The following DNHD1 variants were observed in gnomAD, a reference collection of about 807,000 sequenced individuals.
DNHD1 encodes the protein dynein heavy chain domain-containing protein 1.
A neutral mutation model predicts 458.1 loss-of-function variants in DNHD1; 383 were observed. The ratio of observed to expected loss-of-function variants is 0.84; its 90% CI spans 0.77 to 0.91. The LOEUF (loss-of-function observed/expected upper bound fraction) is 0.91. Ranked by LOEUF, DNHD1 falls within the 40% of genes least tolerant of loss-of-function variation. The pLI is 0.00. For synonymous variants in DNHD1, 2,203 were observed against 2,376.9 expected, an observed-to-expected ratio of 0.93 and a Z score of 2.13; for missense variants, 5,336 against 5,866.1, an observed-to-expected ratio of 0.91 and a Z score of 2.95.
intron 14 of DNHD1, among the ~76,000 whole-genome samples, chr11:6,535,540 A>T (rs975975177): frequency 2.0e-5 from 3 of 152,272 alleles, no homozygotes; most frequent in Non-Finnish European, 4.4e-5. Flanking sequence ...AGTGTTTAAA[A>T]AAGTGATGGG....
rs113282463 is a variant in DNHD1, at chr11:6,557,020, C to T, written c.7725C>T (p.Cys2575=). ...CAGTAGAGGCCTGGGAGGCTGTGTGCAATTGCTTCATGCCTTCACCCCTCC... is the reference window on the plus strand; with the variant it reads ...CAGTAGAGGCCTGGGAGGCTGTGTGTAATTGCTTCATGCCTTCACCCCTCC... ...RASVEAWEAV[C]NCFMPSPLHP... is the part of the protein sequence containing the mutation. Residue 2575 remains cysteine (C), a synonymous_variant, in exon 25 of 43, where the codon TGC becomes TGT. Transcript: ENST00000254579. The T allele has an allele frequency of 5.8e-6, 9 of 1,551,612 alleles. No homozygotes were observed. Among genetic ancestry groups the T allele is most frequent in the African/African-American group, 4.1e-5 (3 of 73,116 alleles).
At chr11:6,511,232 A>G in intron 6 of DNHD1, 41 bp from the exon 7 acceptor site, 1 of 1,604,626 alleles carries the variant, frequency 6.2e-7, no homozygotes, top group Non-Finnish European at 8.5e-7. Flanking sequence ...CCAAGGAAGG[A>G]TTGGGATGCC....
intron 10 of DNHD1, 144 bp downstream of exon 10, chr11:6,520,433 C>T: frequency 6.7e-7 from 1 of 1,496,528 alleles, no homozygotes. Flanking sequence ...CTGGGTACTG[C>T]ACATATGTGT....
intron 3 of DNHD1, among the ~76,000 whole-genome samples, chr11:6,501,765 C>T (rs1021268997): frequency 6.6e-6 from 1 of 152,092 alleles, no homozygotes; most frequent in Non-Finnish European, 1.5e-5. Flanking sequence ...CGTAGAGGAG[C>T]AAATGTCCTT....
In DNHD1 at chr11:6,571,613, T is replaced by C; in HGVS notation, c.13912-23T>C. 2 of 1,531,232 alleles carry C rather than the reference T, an allele frequency of 1.3e-6. No homozygotes were observed. The highest frequency in any genetic ancestry group is 1.8e-6 in the Non-Finnish European group (2 of 1,135,382). The allele number at this position is 1,531,232 out of a possible 1,614,324, so 94.9% of individuals were successfully genotyped here. A position where few individuals can be genotyped will look rare whatever the true frequency, so the allele number is the denominator to read the frequency against. ...CACCTCCCAGCTTCCTAGCCTTGCCTGACCAGCTTCTGACGCCCCCAGGTG... is the reference window on the plus strand; with the variant it reads ...CACCTCCCAGCTTCCTAGCCTTGCCCGACCAGCTTCTGACGCCCCCAGGTG... On this transcript the variant is annotated intron_variant, in intron 42 of 42. Transcript: ENST00000254579. The surrounding 1 kb of genome is among the most constrained non-coding windows in gnomAD (Gnocchi z 5.0).
intron 12 of DNHD1, among the ~76,000 whole-genome samples, chr11:6,531,823 C>T (rs137968148): frequency 2.0e-4 from 30 of 152,192 alleles, no homozygotes; most frequent in Non-Finnish European, 3.2e-4. Flanking sequence ...AATAGAGGAT[C>T]GGTCAGTTTA....
rs915045854 is a variant in DNHD1 at position 6,557,280 on chromosome 11, C to T, written c.7985C>T (p.Pro2662Leu). Residue 2662 changes from proline (P) to leucine (L), a missense_variant, in exon 25 of 43, where the codon CCC becomes CTC. Physicochemically the swap from Pro to Leu is moderately conservative, Grantham distance 98. Transcript: ENST00000254579. ...ACCTTTTGCGACCGGCTGGACAGCC[C>T]CAGGGAACGCTCCTACTGTGCCAAG... The part of the protein sequence containing the change: ...QRTFCDRLDS[P>L]RERSYCAKLL... 5 of 1,551,420 alleles carry T rather than the reference C, an allele frequency of 3.2e-6. No homozygotes were observed. In the African/African-American group the frequency reaches 6.8e-5, roughly 21 times the overall value.
intron 24 of DNHD1, among the ~76,000 whole-genome samples, chr11:6,552,519 C>T (rs371548113): frequency 1.3e-5 from 2 of 151,838 alleles, no homozygotes; most frequent in African/African-American, 4.8e-5. Context: ...AGCAAAACTT[C>T]GTCCCAAAAA....
intron 10 of DNHD1, among the ~76,000 whole-genome samples, chr11:6,527,763 T>TG (rs1234218256): frequency 5.3e-5 from 8 of 152,180 alleles, no homozygotes; most frequent in African/African-American, 1.9e-4. Context: ...AGGGTTTGGG[T>TG]GTGGATAGTA....
chr11:6,521,288 TAAATC>T (rs1406933007), intron 10 of DNHD1, among the ~76,000 whole-genome samples: 1 of 152,250 alleles, frequency 6.6e-6, no homozygotes, highest in Non-Finnish European at 1.5e-5. Context: ...AATATGTAGA[TAAATC>T]AGACATTTCA....
At chr11:6,522,455 G>C (rs2134398707) in intron 10 of DNHD1, among the ~76,000 whole-genome samples, 1 of 152,244 alleles carries the variant, frequency 6.6e-6, no homozygotes, top group East Asian at 1.9e-4. Context: ...ACAGACACTG[G>C]AGCCTACTTA....
rs1852065430 is a variant in DNHD1 at position 6,498,155 on chromosome 11, G to A, written c.-61G>A. On this transcript the variant is annotated 5_prime_UTR_variant, in exon 3 of 43. Transcript: ENST00000254579. ...CCCCGCATCTGGCATCCTGGAACTG[G>A]CAGTTGGAGCCTGAGCTATGGGCAA... 1 of 1,561,866 alleles carries A rather than the reference G, an allele frequency of 6.4e-7. No homozygotes were observed. Among genetic ancestry groups the A allele is most frequent in the Non-Finnish European group, 8.7e-7 (1 of 1,152,050 alleles).
At chr11:6,502,625 A>C in intron 3 of DNHD1, 128 bp from the exon 4 acceptor site, 1 of 743,702 alleles carries the variant, frequency 1.3e-6, no homozygotes, top group South Asian at 2.5e-5. Flanking sequence ...AGGCTCGACA[A>C]TGCCACGTCA....
Position 6,571,938 on chromosome 11 carries a change from C to A in DNHD1, c.14214C>A (p.Asn4738Lys). The A allele has an allele frequency of 6.2e-7, 1 of 1,613,882 alleles. No homozygotes were observed. Among genetic ancestry groups the A allele is most frequent in the Non-Finnish European group, 8.5e-7 (1 of 1,179,802 alleles). Residue 4738 changes from asparagine (N) to lysine (K), a missense_variant, in exon 43 of 43, where the codon AAC (asparagine) becomes AAA (lysine). Physicochemically the swap from Asn to Lys is moderately conservative, Grantham distance 94. Transcript: ENST00000254579. This position sits in a 1 kb window ranked among gnomAD's most constrained non-coding sequence, Gnocchi z 5.0. ...HLPLPTKLTP[N>K]TCVQRRVHVC... is the part of the protein sequence containing the mutation. ...CTTTACCCACCAAGCTCACCCCCAA[C>A]ACCTGTGTCCAAAGGAGGGTCCATG...
chr11:6,544,040 A>G (rs1436066145), intron 18 of DNHD1, 81 bp from the exon 19 acceptor site: 2 of 1,401,220 alleles, frequency 1.4e-6, no homozygotes, highest in African/African-American at 1.4e-5. Flanking sequence ...CTCTCCTGGA[A>G]GGTTCCCCTG....
intron 24 of DNHD1, chr11:6,549,149 T>A (rs1438121500): frequency 1.7e-6 from 1 of 597,560 alleles, no homozygotes; most frequent in East Asian, 2.9e-5. Context: ...CCAATCTCAC[T>A]TCTTTTCTAA....
rs369925813 is a variant in DNHD1, at chr11:6,498,642, A to G, written c.427A>G (p.Ser143Gly). 8 of 1,614,100 alleles carry G rather than the reference A, an allele frequency of 5.0e-6. No individual in the cohort carries two copies. The highest frequency in any genetic ancestry group is 1.7e-5 in the Admixed American group (1 of 60,004). The change falls in exon 3 of 43, where the codon AGT becomes GGT. Residue 143 changes from serine to glycine, a missense_variant. Physicochemically the swap from Ser to Gly is moderately conservative, Grantham distance 56. Coordinates refer to ENST00000254579, the MANE Select transcript of DNHD1 (RefSeq NM_144666.3). ...AFPPDSSLLD[S>G]ASHADCCPQK... ...TCCTCCAGACAGCTCTTTGTTAGAC[A>G]GTGCTTCCCATGCTGACTGCTGTCC...
intron 18 of DNHD1, among the ~76,000 whole-genome samples, chr11:6,540,331 C>T (rs1853072375): frequency 6.6e-6 from 1 of 152,242 alleles, no homozygotes; most frequent in Non-Finnish European, 1.5e-5. Context: ...AAGGTCCTCC[C>T]CTTTCTGGGT....
chr11:6,531,419 C>G (rs1400581974), intron 12 of DNHD1, among the ~76,000 whole-genome samples: 1 of 152,204 alleles, frequency 6.6e-6, no homozygotes, highest in Non-Finnish European at 1.5e-5. Flanking sequence ...CCCAAGGAGT[C>G]CTGGTATTTT....
Sources: gnomAD v4.1 joint callset for allele counts (sites outside exome capture counted in the v4.1 genomes callset) on GRCh38, gnomAD v4.1.1 for gene constraint, Gnocchi (gnomAD v3.1) non-coding constraint, MANE v1.5 for transcripts, NCBI Gene and HGNC (gene_info 2026-07-23, HGNC 2026-07-21) for gene names.